PLXNA4: variants seen among roughly 807,000 people sequenced by gnomAD.
PLXNA4 encodes the protein plexin-A4.
In PLXNA4, 44 loss-of-function variants were observed where a neutral mutation model predicts 191.8. The ratio of observed to expected loss-of-function variants is 0.23; its 90% CI spans 0.18 to 0.29. The LOEUF (loss-of-function observed/expected upper bound fraction) is 0.29, where lower values mean the gene tolerates loss of function less well. Ranked by LOEUF, PLXNA4 falls within the 10% of genes least tolerant of loss-of-function variation. PLXNA4 has a pLI of 1.00. For synonymous variants in PLXNA4, 1,082 were observed against 1,009.5 expected (o/e 1.07, Z -1.36); for missense variants, 1,800 against 2,488.8 (o/e 0.72, Z 5.89).
chr7:132,563,532 TTTC>T (rs1801482623), intron 1 of PLXNA4, among the ~76,000 whole-genome samples: 1 of 31,100 alleles, frequency 3.2e-5, no homozygotes, highest in Non-Finnish European at 7.4e-5. Context: ...CCTCCTCCTC[TTTC>T]TCCTCCTCCT....
At chr7:132,518,810 A>T (rs1241930434) in intron 1 of PLXNA4, among the ~76,000 whole-genome samples, 1 of 152,122 alleles carries the variant, frequency 6.6e-6, no homozygotes. Flanking sequence ...GACCTCTGAG[A>T]TGTTTATACA....
chr7:132,505,230 T>A (rs1424313005), intron 2 of PLXNA4, among the ~76,000 whole-genome samples: 1 of 152,248 alleles, frequency 6.6e-6, no homozygotes, highest in East Asian at 1.9e-4. Flanking sequence ...AAAGCTGTTT[T>A]CCCTCTATTC....
At chr7:132,563,211 CCTCCTCCTT>C (rs1204367897) in intron 1 of PLXNA4, among the ~76,000 whole-genome samples, 5 of 111,788 alleles carry the variant, frequency 4.5e-5, no homozygotes, top group Admixed American at 8.6e-5. Context: ...TCCTCCTCCT[CCTCCTCCTT>C]CTCCTCCTCT....
intron 3 of PLXNA4, among the ~76,000 whole-genome samples, chr7:132,486,368 T>A (rs1797557148): frequency 6.6e-6 from 1 of 151,938 alleles, no homozygotes; most frequent in Admixed American, 6.6e-5. Context: ...GGGTGGGGAA[T>A]TCTATTGTTC....
intron 3 of PLXNA4, among the ~76,000 whole-genome samples, chr7:132,417,333 G>A (rs1019480893): frequency 6.6e-6 from 1 of 152,166 alleles, no homozygotes; most frequent in Non-Finnish European, 1.5e-5. Context: ...CCTGTGTCAT[G>A]AGGCCTGCGC....
At chr7:132,142,499 T>C (rs893625949) in intron 29 of PLXNA4, among the ~76,000 whole-genome samples, 1 of 152,258 alleles carries the variant, frequency 6.6e-6, no homozygotes, top group South Asian at 2.1e-4. Flanking sequence ...GCAGCCAGCA[T>C]GTACAAATAA....
At chr7:132,633,305 A>C (rs1365720712) in intron 2 of PLXNA4, among the ~76,000 whole-genome samples, 3 of 121,050 alleles carry the variant, frequency 2.5e-5, no homozygotes, top group Non-Finnish European at 5.6e-5. Flanking sequence ...TTTTTTTAAG[A>C]CGGAGTCTCA....
intron 3 of PLXNA4, among the ~76,000 whole-genome samples, chr7:132,358,173 GTTTA>G (rs1044626172): frequency 6.6e-6 from 1 of 152,206 alleles, no homozygotes; most frequent in Non-Finnish European, 1.5e-5. Context: ...GAATTGAGAC[GTTTA>G]TTTAATTATC....
At chr7:132,561,273 C>A (rs1360938906) in intron 1 of PLXNA4, among the ~76,000 whole-genome samples, 1 of 152,016 alleles carries the variant, frequency 6.6e-6, no homozygotes, top group East Asian at 1.9e-4. Context: ...CAACTGGATG[C>A]CCCTCTTCCT....
At chr7:132,628,379 T>G (rs980117233) in intron 2 of PLXNA4, among the ~76,000 whole-genome samples, 2 of 152,076 alleles carry the variant, frequency 1.3e-5, no homozygotes, top group Non-Finnish European at 2.9e-5. Context: ...TTTCTCTCTC[T>G]CTCTCTTTTT....
At chr7:132,269,821 T>C (rs918371441) in intron 4 of PLXNA4, among the ~76,000 whole-genome samples, 3 of 152,138 alleles carry the variant, frequency 2.0e-5, no homozygotes, top group Non-Finnish European at 4.4e-5. Context: ...TGCTGGGATG[T>C]CTGATATTGC....
At chr7:132,345,328 G>C (rs547936696) in intron 3 of PLXNA4, among the ~76,000 whole-genome samples, 1 of 152,156 alleles carries the variant, frequency 6.6e-6, no homozygotes, top group Non-Finnish European at 1.5e-5. Flanking sequence ...GAAATCATCT[G>C]AACAATGGTG....
At chr7:132,531,859 C>T (rs576693704) in intron 1 of PLXNA4, among the ~76,000 whole-genome samples, 1 of 152,306 alleles carries the variant, frequency 6.6e-6, no homozygotes, top group East Asian at 1.9e-4. Flanking sequence ...AATTTGCATT[C>T]TTAACAAGTT....
chr7:132,183,083 G>A (rs6968634), intron 16 of PLXNA4, among the ~76,000 whole-genome samples: 105,936 of 152,150 alleles, frequency 0.7, 38,684 homozygotes, highest in African/African-American at 0.92. Context: ...TAGCAAGTTA[G>A]TTAGCTAGAA....
At chr7:132,623,143 A>G (rs570649074) in intron 2 of PLXNA4, among the ~76,000 whole-genome samples, 5 of 152,168 alleles carry the variant, frequency 3.3e-5, no homozygotes, top group African/African-American at 7.2e-5. Flanking sequence ...TCTGGAGTTC[A>G]GCCGTGCCCA....
At position 132,171,165 on chromosome 7, in the gene PLXNA4, G is replaced by A. The variant is rs114638475; in HGVS notation, c.4018-2593C>T. On this transcript the variant is annotated intron_variant, in intron 21 of 31. Coordinates refer to ENST00000321063, the MANE Select transcript of PLXNA4 (RefSeq NM_020911.2). The stretch of plus-strand genomic sequence containing the variant: ...ACTCAGAAGAGCAGTTCTATGACTT[G>A]TTCTAATAATAGTAGATAATGTCAT... Among the ~76,000 whole-genome samples the A allele has an allele frequency of 4.9e-3, 747 of 152,332 alleles. 4 individuals are homozygous for A. The highest frequency in any genetic ancestry group is 0.017 in the African/African-American group (713 of 41,574).
chr7:132,154,413 G>GT (rs56270651), intron 25 of PLXNA4, among the ~76,000 whole-genome samples: 182 of 146,856 alleles, frequency 1.2e-3, no homozygotes, highest in African/African-American at 3.6e-3. Context: ...AAAACGTTCT[G>GT]TTTTTTTTTT....
chr7:132,197,017 T>G (rs2116837371), intron 13 of PLXNA4, among the ~76,000 whole-genome samples: 1 of 152,338 alleles, frequency 6.6e-6, no homozygotes, highest in African/African-American at 2.4e-5. Context: ...CACATTTTTA[T>G]TTTGCTTGCA....
chr7:132,538,486 T>G (rs1034792378), intron 1 of PLXNA4, among the ~76,000 whole-genome samples: 1 of 152,184 alleles, frequency 6.6e-6, no homozygotes, highest in Non-Finnish European at 1.5e-5. Flanking sequence ...TGCAAAAGCA[T>G]TAAAGTTGGG....
Sources: gnomAD v4.1 joint callset for allele counts (sites outside exome capture counted in the v4.1 genomes callset) on GRCh38, gnomAD v4.1.1 for gene constraint, MANE v1.5 for transcripts, NCBI Gene and HGNC (gene_info 2026-07-23, HGNC 2026-07-21) for gene names.